ATG7: variants seen among roughly 807,000 people sequenced by gnomAD.
The protein encoded by ATG7 is autophagy related 7.
Under a neutral mutation model 82.4 loss-of-function variants are expected in ATG7, and 70 were observed. That is an observed-to-expected ratio of 0.85 (90% CI 0.70 to 1.04). ATG7 has a LOEUF of 1.04. Ranked by LOEUF, ATG7 falls within the 50% of genes least tolerant of loss-of-function variation. The pLI is 0.00. For missense variants in ATG7, 792 were observed against 864.3 expected (o/e 0.92, Z 1.05); for synonymous variants, 287 against 313.0 (o/e 0.92, Z 0.88).
chr3:11,290,012 C>T (rs1220365318), intron 3 of ATG7, among the ~76,000 whole-genome samples: 3 of 152,168 alleles, frequency 2.0e-5, no homozygotes, highest in Admixed American at 2.0e-4. Context: ...TCATATTGTC[C>T]CCATGTGTTT....
At chr3:11,431,391 A>G (rs560454837) in intron 20 of ATG7, among the ~76,000 whole-genome samples, 7 of 150,892 alleles carry the variant, frequency 4.6e-5, no homozygotes, top group African/African-American at 9.7e-5. Context: ...GGCGGGGGGA[A>G]AAAAACAACC....
intron 19 of ATG7, among the ~76,000 whole-genome samples, chr3:11,405,987 T>G (rs188007812): frequency 4.4e-5 from 2 of 45,202 alleles, no homozygotes; most frequent in Non-Finnish European, 4.5e-5. Context: ...TGCTTTTTTT[T>G]GTTTTTGTTT....
intron 19 of ATG7, among the ~76,000 whole-genome samples, chr3:11,388,369 A>C (rs898094901): frequency 6.6e-6 from 1 of 151,468 alleles, no homozygotes; most frequent in Non-Finnish European, 1.5e-5. Context: ...CTCTGCTAGC[A>C]GGGTGCATTG....
At chr3:11,563,709 A>G in the ATG7 span, among the ~76,000 whole-genome samples, 1 of 152,248 alleles carries the variant, frequency 6.6e-6, no homozygotes, top group African/African-American at 2.4e-5. Flanking sequence ...CAAAAACTGC[A>G]TCTTGCTTGA....
intron 20 of ATG7, among the ~76,000 whole-genome samples, chr3:11,455,713 A>T (rs1414926121): frequency 1.3e-5 from 2 of 152,158 alleles, no homozygotes; most frequent in African/African-American, 4.8e-5. Context: ...GGCCACAACT[A>T]CATCTTCAGC....
chr3:11,536,707 G>A (rs562682897), intron 20 of ATG7, among the ~76,000 whole-genome samples: 7 of 152,190 alleles, frequency 4.6e-5, no homozygotes, highest in Non-Finnish European at 8.8e-5. Context: ...CCGACCCTGC[G>A]GCTCCGACCG....
downstream of ATG7, chr3:11,558,466 A>G: frequency 1.7e-6 from 1 of 581,226 alleles, no homozygotes; most frequent in Non-Finnish European, 2.5e-6. Context: ...CCCCCACCCC[A>G]CCCCCATGAT....
intron 20 of ATG7, among the ~76,000 whole-genome samples, chr3:11,478,527 T>G (rs1206997490): frequency 6.6e-6 from 1 of 152,214 alleles, no homozygotes; most frequent in African/African-American, 2.4e-5. Flanking sequence ...AGAGCACGTT[T>G]TTAGCCACTA....
At chr3:11,537,887 G>T (rs2070454410) in intron 20 of ATG7, among the ~76,000 whole-genome samples, 1 of 152,132 alleles carries the variant, frequency 6.6e-6, no homozygotes, top group East Asian at 1.9e-4. Flanking sequence ...GTAGAGCCCG[G>T]ATCCAAAATT....
intron 19 of ATG7, among the ~76,000 whole-genome samples, chr3:11,424,113 C>G (rs770712839): frequency 1.9e-4 from 29 of 152,130 alleles, no homozygotes; most frequent in African/African-American, 7.0e-4. Flanking sequence ...CTGGTCCTTT[C>G]GCTTTTCACT....
At position 11,557,553 on chromosome 3, in the gene ATG7, C is replaced by T. The variant is rs552077876; in HGVS notation, c.*2710C>T. 6 of 152,630 alleles carry T rather than the reference C, an allele frequency of 3.9e-5. No homozygotes were observed. Among genetic ancestry groups the T allele is most frequent in the Admixed American group, 6.5e-5 (1 of 15,304 alleles). The allele number at this position is 152,630 out of a possible 1,614,324, so 9.5% of individuals were successfully genotyped here. A position where few individuals can be genotyped will look rare whatever the true frequency, so the allele number is the denominator to read the frequency against. Reference sequence around the variant, plus strand: ...GAGGGCCTGCCAGGAGCTGGCCTCCCGCACTACTTGTGAGTAAAGTGAATA... The same window carrying T: ...GAGGGCCTGCCAGGAGCTGGCCTCCTGCACTACTTGTGAGTAAAGTGAATA... On this transcript the variant is annotated 3_prime_UTR_variant, in exon 21 of 21. Transcript: ENST00000693202.
downstream of ATG7, chr3:11,558,566 A>G: frequency 6.3e-7 from 1 of 1,594,782 alleles, no homozygotes; most frequent in Non-Finnish European, 8.5e-7. Context: ...TCAGGAGACC[A>G]CAGAGGGGGA....
At chr3:11,478,728 C>T in intron 20 of ATG7, among the ~76,000 whole-genome samples, 1 of 152,072 alleles carries the variant, frequency 6.6e-6, no homozygotes, top group South Asian at 2.1e-4. Flanking sequence ...CCCCCACCCC[C>T]AAACATGATC....
chr3:11,341,040 G>C (rs374013553), intron 12 of ATG7, among the ~76,000 whole-genome samples: 1 of 152,230 alleles, frequency 6.6e-6, no homozygotes, highest in East Asian at 1.9e-4. Context: ...CCTCTAGCTT[G>C]GTCCTATTGG....
chr3:11,568,972 G>T, the ATG7 span: 3 of 1,166,472 alleles, frequency 2.6e-6, no homozygotes, highest in Non-Finnish European at 3.2e-6. The surrounding 1 kb of genome is among the most constrained non-coding windows in gnomAD (Gnocchi z 5.9). Context: ...AGGAGGGAGG[G>T]AAAGAGAGGC....
intron 20 of ATG7, among the ~76,000 whole-genome samples, chr3:11,463,664 G>A (rs2086557315): frequency 2.0e-5 from 3 of 152,176 alleles, no homozygotes; most frequent in South Asian, 4.1e-4. Context: ...AGAAAAGTTA[G>A]CTTTTTTCTA....
chr3:11,370,315 T>A lies in ATG7; in HGVS notation c.1875+5581T>A, dbSNP rs114631124. ...TAACACTGGCTCATGTCCAGCTTAG[T>A]TTTTCTGCCCCCTTGGTGACTCTAG... On this transcript the variant is annotated intron_variant, in intron 18 of 20. Coordinates refer to ENST00000693202, the MANE Select transcript of ATG7 (RefSeq NM_001349232.2). Among the ~76,000 whole-genome samples, 1,318 of 151,004 alleles carry A rather than the reference T, an allele frequency of 8.7e-3. 82 individuals carry two copies. The highest frequency in any genetic ancestry group is 0.031 in the African/African-American group (1,255 of 40,950).
chr3:11,340,699 G>T lies in ATG7; in HGVS notation c.944G>T (p.Arg315Met), dbSNP rs140619582. 106 of 1,613,742 alleles carry T rather than the reference G, an allele frequency of 6.6e-5. No homozygotes were observed. The highest frequency in any genetic ancestry group is 8.6e-5 in the Non-Finnish European group (101 of 1,179,868). Reference protein sequence around the residue: ...EKNQKGGMGPRMVNLSECMDP... With the variant: ...EKNQKGGMGPMMVNLSECMDP... ...AACCAGAAAGGAGGCATGGGACCAAGGATGGTGAACCTCAGTGAATGTATG... is the reference window on the plus strand; with the variant it reads ...AACCAGAAAGGAGGCATGGGACCAATGATGGTGAACCTCAGTGAATGTATG... The change falls in exon 12 of 21, where the codon AGG becomes ATG. Residue 315 changes from arginine (R) to methionine (M), a missense_variant. Coordinates refer to ENST00000693202, the MANE Select transcript of ATG7 (RefSeq NM_001349232.2).
chr3:11,561,137 G>A (rs2072957372), downstream of ATG7, among the ~76,000 whole-genome samples: 1 of 152,112 alleles, frequency 6.6e-6, no homozygotes, highest in South Asian at 2.1e-4. Flanking sequence ...CCCCCCCCAG[G>A]GTCCTCCCAA....
Sources: allele counts gnomAD v4.1 joint callset (sites outside exome capture counted in the v4.1 genomes callset), GRCh38; gene constraint gnomAD v4.1.1; non-coding constraint Gnocchi (gnomAD v3.1); transcripts MANE v1.5; gene names NCBI Gene and HGNC (gene_info 2026-07-23, HGNC 2026-07-21).